Variants in ANKLE2 observed in about 807,000 individuals in gnomAD.
ANKLE2 encodes ankyrin repeat and LEM domain-containing protein 2.
A neutral mutation model predicts 84.2 loss-of-function variants in ANKLE2; 55 were observed. The observed-to-expected ratio is 0.65, with a 90% CI of 0.53 to 0.82. The LOEUF is 0.82. Ranked by LOEUF, ANKLE2 falls within the 40% of genes least tolerant of loss-of-function variation. ANKLE2 has a pLI of 0.00. For synonymous variants in ANKLE2, 551 were observed against 486.1 expected (o/e 1.13, Z -1.76); for missense variants, 1,238 against 1,201.9 (o/e 1.03, Z -0.44).
chr12:132,740,291 C>T (rs907775503), intron 7 of ANKLE2, among the ~76,000 whole-genome samples: 3 of 152,114 alleles, frequency 2.0e-5, no homozygotes. Flanking sequence ...TAAATTATAC[C>T]TAGGACGGGA....
rs760441563 is a variant in ANKLE2 at position 132,736,971 on chromosome 12, G to A, written c.1515C>T (p.His505=). ...WSPDQTAEAS[H]VSRYGGSPRD... Reference sequence around the variant, plus strand: ...TGGGGCTGCCTCCATAGCGGCTGACGTGAGAGGCCTCAGCCGTCTGGTCTG... The same window carrying A: ...TGGGGCTGCCTCCATAGCGGCTGACATGAGAGGCCTCAGCCGTCTGGTCTG... Residue 505 remains histidine (H), a synonymous_variant, in exon 8 of 13, where the codon CAC becomes CAT. Transcript: ENST00000357997. 3.7e-5 allele frequency: 59 copies of A among 1,613,776 alleles called. No individual in the cohort carries two copies. The highest frequency in any genetic ancestry group is 2.3e-4 in the South Asian group (21 of 91,074).
rs998956368 is a variant in ANKLE2, at chr12:132,743,912, G to C, written c.1231-636C>G. Among the ~76,000 whole-genome samples the C allele has an allele frequency of 6.6e-6, 1 of 152,148 alleles. No individual in the cohort carries two copies. The highest frequency in any genetic ancestry group is 6.6e-5 in the Admixed American group (1 of 15,266). On this transcript the variant is annotated intron_variant, in intron 5 of 12. Transcript: ENST00000357997. This position sits in a 1 kb window ranked among gnomAD's most constrained non-coding sequence, Gnocchi z 4.1. ...AATACACAGATGAGGACCACAACCA[G>C]AATAAAGCAAAGCGCACGAATTTGG...
chr12:132,730,107 G>A lies in ANKLE2; in HGVS notation c.2055C>T (p.Leu685=). 6.2e-7 allele frequency: 1 copy of A among 1,612,514 alleles called. No individual in the cohort carries two copies. Among genetic ancestry groups the A allele is most frequent in the Non-Finnish European group, 8.5e-7 (1 of 1,179,708 alleles). The part of the protein sequence containing the change: ...SAFPLEQEAD[L]IEAAEPGGPH... ...GACCTCCCGGCTCGGCGGCTTCTATGAGGTCTGCCTCCTGCTCCAAGGGGA... is the reference window on the plus strand; with the variant it reads ...GACCTCCCGGCTCGGCGGCTTCTATAAGGTCTGCCTCCTGCTCCAAGGGGA... Residue 685 remains leucine (L), a synonymous_variant, in exon 11 of 13, where the codon CTC becomes CTT. Coordinates refer to ENST00000357997, the MANE Select transcript of ANKLE2 (RefSeq NM_015114.3).
intron 1 of ANKLE2, chr12:132,759,521 G>A (rs1238684735): frequency 1.4e-5 from 2 of 140,310 alleles, no homozygotes; most frequent in Non-Finnish European, 2.9e-5. Context: ...CTATATATAT[G>A]TATACTATAT....
chr12:132,750,213 A>C, intron 3 of ANKLE2, among the ~76,000 whole-genome samples: 1 of 143,064 alleles, frequency 7.0e-6, no homozygotes, highest in East Asian at 1.9e-4. Flanking sequence ...TCAAAAAAAA[A>C]AAAAAAAAAA....
intron 3 of ANKLE2, among the ~76,000 whole-genome samples, chr12:132,749,823 C>T (rs750724195): frequency 6.6e-6 from 1 of 152,212 alleles, no homozygotes; most frequent in Non-Finnish European, 1.5e-5. Context: ...CCGCCTTCTC[C>T]AGATGCCCTA....
intron 7 of ANKLE2, among the ~76,000 whole-genome samples, chr12:132,740,497 G>T (rs1355123868): frequency 6.6e-6 from 1 of 152,136 alleles, no homozygotes; most frequent in African/African-American, 2.4e-5. Flanking sequence ...GTCATTTGCG[G>T]ACCCTGCTTT....
chr12:132,725,775 T>A lies in ANKLE2; in HGVS notation c.*1467A>T, dbSNP rs1404199821. 2 of 152,240 alleles carry A rather than the reference T, an allele frequency of 1.3e-5. No individual in the cohort carries two copies. Among genetic ancestry groups the A allele is most frequent in the Non-Finnish European group, 1.5e-5 (1 of 68,030 alleles). 9.4% of individuals were successfully genotyped at this position (152,240 alleles called of 1,614,324 possible). On this transcript the variant is annotated 3_prime_UTR_variant, in exon 13 of 13. Transcript: ENST00000357997. ...TCACTACGAATATCCATATTCTGAT[T>A]TCTTTTGAGAACCAAGGTGCCTTTT...
chr12:132,749,254 C>T (rs1207746060), intron 3 of ANKLE2, among the ~76,000 whole-genome samples: 1 of 152,152 alleles, frequency 6.6e-6, no homozygotes, highest in Non-Finnish European at 1.5e-5. Context: ...CTTCCAGTTT[C>T]AAGCAATTCT....
Position 132,734,455 on chromosome 12 carries a change from T to G in ANKLE2, c.1821A>C (p.Glu607Asp), listed in dbSNP as rs1173001855. ...TTTCTTGTTGAGCCTTTTTGCCTAT[T>G]TCCTGCTGTGTGAGATATTCTTCTA... The part of the protein sequence containing the change: ...QRLEEYLTQQ[E>D]IGKKAQQETG... The change falls in exon 10 of 13, where the codon GAA (glutamate) becomes GAC (aspartate). Residue 607 changes from glutamate (E) to aspartate (D), a missense_variant. Transcript: ENST00000357997. The G allele has an allele frequency of 6.2e-7, 1 of 1,614,188 alleles. No homozygotes were observed. Among genetic ancestry groups the G allele is most frequent in the Admixed American group, 1.7e-5 (1 of 60,016 alleles).
intron 10 of ANKLE2, 79 bp from the exon 11 acceptor site, chr12:132,730,349 C>T (rs1372393004): frequency 5.0e-5 from 22 of 436,058 alleles, no homozygotes; most frequent in South Asian, 1.4e-4. Flanking sequence ...CCATGACCAA[C>T]TGCCGTGACC....
At chr12:132,728,264 C>G in intron 11 of ANKLE2, 101 bp from the exon 12 acceptor site, 1 of 1,452,472 alleles carries the variant, frequency 6.9e-7, no homozygotes, top group Admixed American at 2.0e-5. Flanking sequence ...GAGTCTTGCT[C>G]TGTCGCCCAG....
chr12:132,755,121 A>C lies in ANKLE2; in HGVS notation c.194T>G (p.Met65Arg). 1 of 1,601,612 alleles carries C rather than the reference A, an allele frequency of 6.2e-7. No homozygotes were observed. Among genetic ancestry groups the C allele is most frequent in the Non-Finnish European group, 8.5e-7 (1 of 1,177,528 alleles). The change falls in exon 2 of 13, where the codon ATG becomes AGG. Residue 65 changes from methionine (M) to arginine (R), a missense_variant. This residue lies in a region of ANKLE2 where 422 missense variants were observed against 394.5 expected (regional missense o/e 1.07). Coordinates refer to ENST00000357997, the MANE Select transcript of ANKLE2 (RefSeq NM_015114.3). ...TTTCAATCGAGCCAACAGAGCATCC[A>C]TTGTCATTTCACCTAGGCCCAAGAC... ...AAAPASGEMT[M>R]DALLARLKLL...
chr12:132,753,188 TGATCCCAGC>T (rs1274814168), intron 2 of ANKLE2, among the ~76,000 whole-genome samples: 1 of 151,766 alleles, frequency 6.6e-6, no homozygotes, highest in Non-Finnish European at 1.5e-5. Flanking sequence ...CACGTGCCCG[TGATCCCAGC>T]GATCCCAAGC....
In ANKLE2 at chr12:132,727,341, G is replaced by A; in HGVS notation, c.2718C>T (p.Asn906=). The A allele has an allele frequency of 6.4e-7, 1 of 1,561,906 alleles. No homozygotes were observed. The highest frequency in any genetic ancestry group is 8.7e-7 in the Non-Finnish European group (1 of 1,153,388). Residue 906 remains asparagine, a synonymous_variant, in exon 13 of 13, where the codon AAC becomes AAT. Coordinates refer to ENST00000357997, the MANE Select transcript of ANKLE2 (RefSeq NM_015114.3). ...GACTGCCCAGGCCTGGCTTTGCGGG[G>A]TTGCTTCCAGCCACGCTGTTTCTCC... ...SPGRNSVAGS[N]PAKPGLGSPG...
At chr12:132,744,361 A>T (rs1233551159) in intron 5 of ANKLE2, among the ~76,000 whole-genome samples, 2 of 152,182 alleles carry the variant, frequency 1.3e-5, no homozygotes, top group Non-Finnish European at 2.9e-5. Context: ...GATTACCAAG[A>T]TTCTGGCTGT....
chr12:132,760,163 C>T (rs2044596226), intron 1 of ANKLE2: 1 of 149,872 alleles, frequency 6.7e-6, no homozygotes, highest in Admixed American at 6.7e-5. Context: ...AGTGGTAGGG[C>T]CGAGACACAA....
In ANKLE2 at chr12:132,743,414, A is replaced by ACTGCAACCTCTGCCTCC; in HGVS notation, c.1231-155_1231-139dup. The ACTGCAACCTCTGCCTCC allele has an allele frequency of 4.3e-6, 5 of 1,150,850 alleles. No homozygotes were observed. Among genetic ancestry groups the ACTGCAACCTCTGCCTCC allele is most frequent in the Non-Finnish European group, 5.8e-6 (5 of 866,234 alleles). The allele number at this position is 1,150,850 out of a possible 1,614,324, so 71.3% of individuals were successfully genotyped here. ...AGTCTCACTGGCGTGATCTTGGCTC[A>ACTGCAACCTCTGCCTCC]CTGCAACCTCTGCCTCCCGGGTTTA... On this transcript the variant is annotated intron_variant, in intron 5 of 12. Transcript: ENST00000357997. This position sits in a 1 kb window ranked among gnomAD's most constrained non-coding sequence, Gnocchi z 4.1.
At chr12:132,742,730 C>A (rs1305736993) in intron 6 of ANKLE2, among the ~76,000 whole-genome samples, 1 of 272 alleles carries the variant, frequency 3.7e-3, no homozygotes, top group African/African-American at 0.016. Flanking sequence ...CCACCACTGC[C>A]AACACCACCA....
Sources: allele counts gnomAD v4.1 joint callset (sites outside exome capture counted in the v4.1 genomes callset), GRCh38; gene constraint gnomAD v4.1.1; regional missense constraint gnomAD v4.1.1; non-coding constraint Gnocchi (gnomAD v3.1); transcripts MANE v1.5; gene names NCBI Gene and HGNC (gene_info 2026-07-23, HGNC 2026-07-21).